Variants in CENPE observed in about 807,000 individuals in gnomAD.
CENPE encodes centromere-associated protein E.
Under a neutral mutation model 336.1 loss-of-function variants are expected in CENPE, and 145 were observed. The ratio of observed to expected loss-of-function variants is 0.43; its 90% CI spans 0.38 to 0.50. The LOEUF (loss-of-function observed/expected upper bound fraction) is 0.50. Among genes scored for constraint, CENPE ranks in the 20% least tolerant of loss-of-function variants. CENPE has a pLI of 0.00. For missense variants in CENPE, 2,719 were observed against 3,023.3 expected, an observed-to-expected ratio of 0.90 and a Z score of 2.36; for synonymous variants, 1,013 against 984.8, an observed-to-expected ratio of 1.03 and a Z score of -0.54.
At chr4:103,176,870 A>G in intron 14 of CENPE, 29 bp downstream of exon 14, 1 of 1,515,868 alleles carries the variant, frequency 6.6e-7, no homozygotes. Context: ...TTATAATTAA[A>G]CATAGTTCCA....
intron 24 of CENPE, among the ~76,000 whole-genome samples, chr4:103,153,803 G>A (rs1464684559): frequency 2.0e-5 from 3 of 152,008 alleles, no homozygotes; most frequent in African/African-American, 7.2e-5. Context: ...ATCATTCCCT[G>A]TCTCCCACTC....
At chr4:103,143,681 CTTAT>C (rs1752755805) in intron 33 of CENPE, among the ~76,000 whole-genome samples, 1 of 152,176 alleles carries the variant, frequency 6.6e-6, no homozygotes, top group Non-Finnish European at 1.5e-5. Context: ...ATGTGCTGCA[CTTAT>C]TTAACCAGTC....
rs1753022628 is a variant in CENPE at position 103,146,003 on chromosome 4, A to G, written c.4239T>C (p.Asp1413=). The G allele has an allele frequency of 6.2e-7, 1 of 1,613,778 alleles. No individual in the cohort carries two copies. The highest frequency in any genetic ancestry group is 1.7e-5 in the Admixed American group (1 of 59,990). ...CTATTTCTATCCTTAGTAGTGCTGA[A>G]TCTTTGGGTTTGAATTGCTCCATCT... The part of the protein sequence containing the change: ...VSEMEQFKPK[D]SALLRIEIEM... The change falls in exon 30 of 49, where the codon GAT becomes GAC. Residue 1413 remains aspartate (D), a synonymous_variant. Transcript: ENST00000265148.
chr4:103,185,220 G>A (rs1416085793), intron 9 of CENPE, among the ~76,000 whole-genome samples: 2 of 151,588 alleles, frequency 1.3e-5, no homozygotes, highest in African/African-American at 4.8e-5. Context: ...CATGAGAATT[G>A]CTTGAGCCCA....
chr4:103,109,511 T>C (rs1462412680), intron 47 of CENPE, among the ~76,000 whole-genome samples: 2 of 152,170 alleles, frequency 1.3e-5, no homozygotes, highest in African/African-American at 4.8e-5. Context: ...CTTTTCTAGT[T>C]ACAATGCTGC....
chr4:103,129,408 T>C (rs1751393550), intron 42 of CENPE, among the ~76,000 whole-genome samples: 1 of 152,124 alleles, frequency 6.6e-6, no homozygotes, highest in South Asian at 2.1e-4. Context: ...GATGATGACA[T>C]TATACAAGAA....
intron 35 of CENPE, among the ~76,000 whole-genome samples, chr4:103,141,448 C>G (rs1182233431): frequency 3.9e-5 from 6 of 152,152 alleles, no homozygotes; most frequent in African/African-American, 1.4e-4. Context: ...TGCTTTTGAA[C>G]CTATATATCA....
chr4:103,106,229 G>A lies in CENPE; in HGVS notation c.8099C>T (p.Thr2700Ile), dbSNP rs145876863. Reference protein sequence around the residue: ...SSGKDVPECKTQ With the variant: ...SSGKDVPECKIQ ...GAAGTGACAAAGAGGAGTCTACTGA[G>A]TTTTGCACTCAGGCACATCCTTGCC... Residue 2700 changes from threonine to isoleucine, a missense_variant, in exon 49 of 49, where the codon ACT becomes ATT. Transcript: ENST00000265148. 4.4e-6 allele frequency: 7 copies of A among 1,580,290 alleles called. No homozygotes were observed. Among genetic ancestry groups the A allele is most frequent in the Non-Finnish European group, 6.0e-6 (7 of 1,160,578 alleles).
chr4:103,162,006 G>C (rs1048084152), intron 18 of CENPE, among the ~76,000 whole-genome samples: 3 of 152,006 alleles, frequency 2.0e-5, no homozygotes, highest in Non-Finnish European at 4.4e-5. Context: ...TGAAATCAAT[G>C]ATATGTCCTT....
At chr4:103,189,411 A>T (rs1757100056) in intron 8 of CENPE, among the ~76,000 whole-genome samples, 1 of 152,214 alleles carries the variant, frequency 6.6e-6, no homozygotes, top group African/African-American at 2.4e-5. Context: ...TGGCAAACAG[A>T]ATCCAGCAGC....
intron 38 of CENPE, 28 bp from the exon 39 acceptor site, chr4:103,138,477 G>A: frequency 2.0e-6 from 3 of 1,483,886 alleles, no homozygotes; most frequent in Non-Finnish European, 2.8e-6. Context: ...AAATAAACAG[G>A]GCTTTTGTCA....
In CENPE at chr4:103,181,394, T is replaced by G; in HGVS notation, c.1026A>C (p.Glu342Asp). 2 of 1,569,760 alleles carry G rather than the reference T, an allele frequency of 1.3e-6. No homozygotes were observed. The highest frequency in any genetic ancestry group is 1.7e-6 in the Non-Finnish European group (2 of 1,152,940). ...TPYVNEVSTD[E>D]ALLKRYRKEI... ...CTTTTCTATACCTTTTCAGGAGAGC[T>G]TCATCAGTTGATACCTCATTAACAT... The change falls in exon 12 of 49, where the codon GAA (glutamate) becomes GAC (aspartate). Residue 342 changes from glutamate to aspartate, a missense_variant. Physicochemically the swap from Glu to Asp is conservative, Grantham distance 45. Transcript: ENST00000265148.
rs755953198 is a variant in CENPE at position 103,158,643 on chromosome 4, T to G, written c.2845A>C (p.Lys949Gln). The G allele has an allele frequency of 6.2e-7, 1 of 1,607,100 alleles. No individual in the cohort carries two copies. The change falls in exon 23 of 49, where the codon AAA becomes CAA. Residue 949 changes from lysine to glutamine, a missense_variant. Transcript: ENST00000265148. ...ESLQIERDQL[K>Q]SDIHDTVNMN... ...TTAACAGTATCGTGAATATCACTTTTGAGTTGGTCCCTCTCAATTTGCAAG... is the reference window on the plus strand; with the variant it reads ...TTAACAGTATCGTGAATATCACTTTGGAGTTGGTCCCTCTCAATTTGCAAG...
chr4:103,185,475 T>A (rs1394620215), intron 9 of CENPE, among the ~76,000 whole-genome samples: 1 of 152,072 alleles, frequency 6.6e-6, no homozygotes, highest in Non-Finnish European at 1.5e-5. Context: ...AATATCTGCA[T>A]ATTAATTTTG....
Position 103,153,245 on chromosome 4 carries a change from A to T in CENPE, c.3039T>A (p.Val1013=). 4 of 1,596,700 alleles carry T rather than the reference A, an allele frequency of 2.5e-6. No homozygotes were observed. The highest frequency in any genetic ancestry group is 3.4e-6 in the Non-Finnish European group (4 of 1,171,474). Residue 1013 remains valine (V), a synonymous_variant, in exon 25 of 49, where the codon GTT becomes GTA. Transcript: ENST00000265148. ...ETKDEFQQKM[V]GIDKKQDLEA... ...CCAAATCCTGTTTTTTATCTATGCCAACCATCTAAAACATAAACACATTAC... is the reference window on the plus strand; with the variant it reads ...CCAAATCCTGTTTTTTATCTATGCCTACCATCTAAAACATAAACACATTAC...
In CENPE at chr4:103,143,274, G is replaced by A. The variant is rs771175151; in HGVS notation, c.5278C>T (p.His1760Tyr). 18 of 1,604,296 alleles carry A rather than the reference G, an allele frequency of 1.1e-5. No homozygotes were observed. In the African/African-American group the frequency reaches 2.0e-4, roughly 18 times the overall value. Residue 1760 changes from histidine to tyrosine, a missense_variant, in exon 34 of 49, where the codon CAC (histidine) becomes TAC (tyrosine). By Grantham distance (83) the His-to-Tyr change is moderately conservative. Coordinates refer to ENST00000265148, the MANE Select transcript of CENPE (RefSeq NM_001813.3). ...EISNMQKDLE[H>Y]SNDALKAQDL... ...TGTGCTTTTAAGGCATCATTTGAGT[G>A]TTCTAAGTCCTTTTGCATATTTGAT...
intron 44 of CENPE, among the ~76,000 whole-genome samples, chr4:103,119,058 A>G (rs1020167726): frequency 1.3e-5 from 2 of 152,144 alleles, no homozygotes; most frequent in African/African-American, 4.8e-5. Context: ...TCCTGTATAT[A>G]CAATCATCTC....
At chr4:103,192,734 C>T (rs1018876314) in intron 8 of CENPE, among the ~76,000 whole-genome samples, 13 of 152,102 alleles carry the variant, frequency 8.5e-5, no homozygotes, top group East Asian at 5.8e-4. Context: ...AAAATAGTTT[C>T]GTTTTAGACA....
chr4:103,164,403 T>G (rs1754732944), intron 16 of CENPE, among the ~76,000 whole-genome samples: 1 of 152,096 alleles, frequency 6.6e-6, no homozygotes, highest in South Asian at 2.1e-4. Flanking sequence ...AAATAGTATC[T>G]TATTTAAATA....
Sources: gnomAD v4.1 joint callset for allele counts (sites outside exome capture counted in the v4.1 genomes callset) on GRCh38, gnomAD v4.1.1 for gene constraint, MANE v1.5 for transcripts, NCBI Gene and HGNC (gene_info 2026-07-23, HGNC 2026-07-21) for gene names.